RERE: variants seen among roughly 807,000 people sequenced by gnomAD.
RERE encodes the protein arginine-glutamic acid dipeptide repeats, also known as arginine-glutamic acid dipeptide repeats protein.
In RERE, 40 loss-of-function variants were observed where a neutral mutation model predicts 146.1. The ratio of observed to expected loss-of-function variants is 0.27; its 90% confidence interval spans 0.21 to 0.36. The LOEUF (loss-of-function observed/expected upper bound fraction) is 0.36. Among genes scored for constraint, RERE ranks in the 10% least tolerant of loss-of-function variants. The pLI is 1.00. For missense variants in RERE, 1,933 were observed against 2,138.7 expected (o/e 0.90, Z 1.90); for synonymous variants, 1,003 against 866.0 (o/e 1.16, Z -2.78).
At chr1:8,685,034 T>G (rs1570606181) in intron 1 of RERE, among the ~76,000 whole-genome samples, 1 of 152,140 alleles carries the variant, frequency 6.6e-6, no homozygotes, top group East Asian at 1.9e-4. Context: ...ATTTTTCAAT[T>G]TTTTGTAGAG....
chr1:8,456,071 G>A (rs1410768286), intron 11 of RERE, among the ~76,000 whole-genome samples: 1 of 152,212 alleles, frequency 6.6e-6, no homozygotes, highest in Non-Finnish European at 1.5e-5. Context: ...CCTAGAGCAA[G>A]CAAATGCCGG....
Position 8,702,798 on chromosome 1 carries a change from A to G in RERE, c.-144-46357T>C, listed in dbSNP as rs550458843. On this transcript the variant is annotated intron_variant, in intron 1 of 22. Coordinates refer to ENST00000400908, the MANE Select transcript of RERE (RefSeq NM_001042681.2). Reference sequence around the variant, plus strand: ...CCCTCAAAAAAATGTTTTCTGTTCGATTTAATTAACTGAGATTTCAAGAGT... The same window carrying G: ...CCCTCAAAAAAATGTTTTCTGTTCGGTTTAATTAACTGAGATTTCAAGAGT... Among the ~76,000 whole-genome samples, 59 of 152,208 alleles carry G rather than the reference A, an allele frequency of 3.9e-4. 1 individual carries two copies. In the South Asian group the frequency reaches 0.011, roughly 29 times the overall value.
intron 11 of RERE, among the ~76,000 whole-genome samples, chr1:8,459,077 G>A (rs1210285978): frequency 1.3e-5 from 2 of 152,264 alleles, no homozygotes; most frequent in South Asian, 4.2e-4. Flanking sequence ...ATTTCCGAAA[G>A]GACTTGACAA....
intron 19 of RERE, 103 bp from the exon 20 acceptor site, chr1:8,359,019 A>T (rs1046200522): frequency 1.9e-5 from 26 of 1,372,340 alleles, no homozygotes; most frequent in Middle Eastern, 5.4e-4. Flanking sequence ...GCCTGCTCTG[A>T]CAGGCCAACC....
intron 11 of RERE, among the ~76,000 whole-genome samples, chr1:8,434,024 G>T (rs1203100064): frequency 1.3e-5 from 2 of 152,314 alleles, no homozygotes; most frequent in Non-Finnish European, 2.9e-5. Flanking sequence ...TGGGAAGGTA[G>T]ATCTAATATA....
At chr1:8,608,293 A>C (rs942405556) in intron 4 of RERE, among the ~76,000 whole-genome samples, 3 of 152,214 alleles carry the variant, frequency 2.0e-5, no homozygotes, top group African/African-American at 7.2e-5. Flanking sequence ...CCTTGAGTCC[A>C]GGAGTTCAAG....
intron 11 of RERE, among the ~76,000 whole-genome samples, chr1:8,450,379 G>A (rs916874109): frequency 6.6e-6 from 1 of 150,784 alleles, no homozygotes; most frequent in African/African-American, 2.4e-5. Context: ...ACCCAGCAGA[G>A]CTGCGTGTGG....
chr1:8,797,731 C>G (rs1193430662), intron 1 of RERE, among the ~76,000 whole-genome samples: 4 of 152,170 alleles, frequency 2.6e-5, no homozygotes. Context: ...AAATCCAGTA[C>G]CAAAGCACTG....
At chr1:8,458,737 C>A (rs1216669518) in intron 11 of RERE, among the ~76,000 whole-genome samples, 1 of 152,106 alleles carries the variant, frequency 6.6e-6, no homozygotes, top group East Asian at 1.9e-4. Context: ...ACACAAAGAG[C>A]AAAATGGGCA....
intron 7 of RERE, among the ~76,000 whole-genome samples, chr1:8,538,952 G>C (rs1645762202): frequency 6.6e-6 from 1 of 152,184 alleles, no homozygotes. Flanking sequence ...AAAAGAACTT[G>C]AGTGAGTGCC....
chr1:8,687,409 C>T (rs1452447540), intron 1 of RERE, among the ~76,000 whole-genome samples: 2 of 152,074 alleles, frequency 1.3e-5, no homozygotes, highest in Admixed American at 6.6e-5. Flanking sequence ...TATAAAAGGA[C>T]AATGTATGAA....
intron 6 of RERE, among the ~76,000 whole-genome samples, chr1:8,541,588 G>T (rs1175663386): frequency 6.6e-6 from 1 of 152,038 alleles, no homozygotes; most frequent in Non-Finnish European, 1.5e-5. Flanking sequence ...CTATGAGAAA[G>T]AATATTAAAC....
intron 12 of RERE, among the ~76,000 whole-genome samples, chr1:8,387,860 G>C (rs765412552): frequency 6.6e-6 from 1 of 152,204 alleles, no homozygotes; most frequent in Non-Finnish European, 1.5e-5. Context: ...GCTTTTCTTG[G>C]TAAAATAGCA....
intron 1 of RERE, among the ~76,000 whole-genome samples, chr1:8,707,958 T>C (rs891893844): frequency 3.3e-5 from 5 of 150,740 alleles, no homozygotes; most frequent in African/African-American, 1.3e-4. Context: ...ATTGTTATAA[T>C]TGTTCTTATT....
At chr1:8,505,353 A>T (rs1645236052) in intron 8 of RERE, among the ~76,000 whole-genome samples, 1 of 152,174 alleles carries the variant, frequency 6.6e-6, no homozygotes, top group South Asian at 2.1e-4. Flanking sequence ...TTTTTGGAAC[A>T]TCTACAAGGA....
chr1:8,762,221 C>T (rs1640769170), intron 1 of RERE, among the ~76,000 whole-genome samples: 2 of 152,178 alleles, frequency 1.3e-5, no homozygotes, highest in Non-Finnish European at 2.9e-5. Flanking sequence ...ATTTCAGCCT[C>T]CTATCACAAG....
chr1:8,798,878 C>G (rs1290228992), intron 1 of RERE, among the ~76,000 whole-genome samples: 14 of 151,380 alleles, frequency 9.2e-5, no homozygotes, highest in Non-Finnish European at 2.1e-4. Flanking sequence ...TTTTAGTAGA[C>G]ATGGGGTTTC....
chr1:8,757,891 TACACACACACACACATACATACAC>T (rs1056178942), intron 1 of RERE, among the ~76,000 whole-genome samples: 1 of 127,070 alleles, frequency 7.9e-6, no homozygotes, highest in African/African-American at 2.9e-5. Context: ...TACATATGTA[TACACACACACACACATACATACAC>T]ACACACACAC....
chr1:8,416,492 A>G (rs1643770859), intron 12 of RERE, among the ~76,000 whole-genome samples: 1 of 150,930 alleles, frequency 6.6e-6, no homozygotes, highest in African/African-American at 2.4e-5. Flanking sequence ...AGGCTGAGGC[A>G]GGAGAATGGC....
Sources: allele counts gnomAD v4.1 joint callset (sites outside exome capture counted in the v4.1 genomes callset), GRCh38; gene constraint gnomAD v4.1.1; transcripts MANE v1.5; gene names NCBI Gene and HGNC (gene_info 2026-07-23, HGNC 2026-07-21).